DLG1: variants seen among roughly 807,000 people sequenced by gnomAD.
The protein encoded by DLG1 is discs large MAGUK scaffold protein 1.
DLG1 carries 42 observed loss-of-function variants against 123.4 expected under a neutral mutation model. The observed-to-expected ratio is 0.34, with a 90% CI of 0.27 to 0.44. The LOEUF (loss-of-function observed/expected upper bound fraction) is 0.44, where lower values mean the gene tolerates loss of function less well. Ranked by LOEUF, DLG1 falls within the 20% of genes least tolerant of loss-of-function variation. The pLI, the probability that DLG1 is intolerant of heterozygous loss-of-function variation, is 1.00. For missense variants in DLG1, 942 were observed against 1,082.6 expected, an observed-to-expected ratio of 0.87 and a Z score of 1.82; for synonymous variants, 317 against 356.2, an observed-to-expected ratio of 0.89 and a Z score of 1.24.
At chr3:197,222,635 A>T (rs566082244) in intron 4 of DLG1, among the ~76,000 whole-genome samples, 2 of 152,302 alleles carry the variant, frequency 1.3e-5, no homozygotes, top group African/African-American at 4.8e-5. Context: ...AGCTACTTGT[A>T]TCCCTGGCCA....
chr3:197,261,195 G>C (rs933565834), intron 4 of DLG1, among the ~76,000 whole-genome samples: 1 of 152,166 alleles, frequency 6.6e-6, no homozygotes, highest in African/African-American at 2.4e-5. Flanking sequence ...GAGCTAGATA[G>C]GCTAACAGAC....
At chr3:197,079,522 A>G (rs924988735) in intron 17 of DLG1, among the ~76,000 whole-genome samples, 3 of 152,238 alleles carry the variant, frequency 2.0e-5, no homozygotes, top group Non-Finnish European at 4.4e-5. Context: ...AACAAACAAG[A>G]CTAAGATTTA....
chr3:197,160,676 T>C (rs186335229), intron 5 of DLG1, among the ~76,000 whole-genome samples: 2 of 152,258 alleles, frequency 1.3e-5, no homozygotes, highest in East Asian at 3.9e-4. Context: ...CTAGAATCCT[T>C]GGTTGTATGG....
chr3:197,111,656 T>C (rs1289664216), intron 13 of DLG1, among the ~76,000 whole-genome samples: 1 of 152,210 alleles, frequency 6.6e-6, no homozygotes, highest in Non-Finnish European at 1.5e-5. Context: ...GACATGTATC[T>C]TTTCCACCGA....
chr3:197,131,076 A>C (rs1303202518), intron 10 of DLG1, among the ~76,000 whole-genome samples: 1 of 152,222 alleles, frequency 6.6e-6, no homozygotes, highest in African/African-American at 2.4e-5. Context: ...ACACAAATTA[A>C]TAGAATTACT....
chr3:197,092,940 G>A (rs998194771), intron 14 of DLG1, among the ~76,000 whole-genome samples: 4 of 152,028 alleles, frequency 2.6e-5, no homozygotes, highest in South Asian at 2.1e-4. Flanking sequence ...TTATAAGTAG[G>A]TAAAATAACT....
At chr3:197,114,087 G>A (rs956011141) in intron 13 of DLG1, among the ~76,000 whole-genome samples, 2 of 152,186 alleles carry the variant, frequency 1.3e-5, no homozygotes, top group African/African-American at 4.8e-5. Context: ...GGGGTTAACA[G>A]ACATGAAAAA....
chr3:197,194,410 T>A lies in DLG1; in HGVS notation c.483+15A>T, dbSNP rs1259423909. The A allele has an allele frequency of 6.7e-7, 1 of 1,498,466 alleles. No homozygotes were observed. The highest frequency in any genetic ancestry group is 2.2e-5 in the Admixed American group (1 of 46,336). The allele number at this position is 1,498,466 out of a possible 1,614,324, so 92.8% of individuals were successfully genotyped here. On this transcript the variant is annotated intron_variant, in intron 5 of 24. Coordinates refer to ENST00000667157, the MANE Select transcript of DLG1 (RefSeq NM_001366207.1). ...ATATGTAATTCATAACAATAATAAATAGATACTATCCTACCTTTATTGGTG... is the reference window on the plus strand; with the variant it reads ...ATATGTAATTCATAACAATAATAAAAAGATACTATCCTACCTTTATTGGTG...
chr3:197,261,961 T>A (rs1452759800), intron 4 of DLG1, among the ~76,000 whole-genome samples: 1 of 152,182 alleles, frequency 6.6e-6, no homozygotes, highest in Non-Finnish European at 1.5e-5. Context: ...GCTCAGTAAA[T>A]GCCAGCTACA....
Position 197,109,480 on chromosome 3 carries a change from AATT to A in DLG1, c.1444-4478_1444-4476del, listed in dbSNP as rs915424082. Among the ~76,000 whole-genome samples, 113 of 152,344 alleles carry A rather than the reference AATT, an allele frequency of 7.4e-4. 1 individual carries two copies. Among genetic ancestry groups the A allele is most frequent in the African/African-American group, 2.7e-3 (111 of 41,584 alleles). ...TACGATGTGTGCACATCAAATTTGT[AATT>A]ATTGCTTTATTCAGTTGTTTTTAAA... On this transcript the variant is annotated intron_variant, in intron 13 of 24. Transcript: ENST00000667157.
chr3:197,086,802 A>G (rs1578863753), intron 15 of DLG1, among the ~76,000 whole-genome samples: 1 of 152,212 alleles, frequency 6.6e-6, no homozygotes, highest in South Asian at 2.1e-4. Flanking sequence ...AATATAAAAT[A>G]GAAAATAAAG....
chr3:197,260,161 A>G (rs897527593), intron 4 of DLG1: 10 of 293,566 alleles, frequency 3.4e-5, no homozygotes, highest in African/African-American at 9.0e-5. Flanking sequence ...TTTCAAATCT[A>G]TAACAATGGT....
At chr3:197,119,558 T>C in intron 11 of DLG1, 28 bp from the exon 12 acceptor site, 1 of 1,585,334 alleles carries the variant, frequency 6.3e-7, no homozygotes, top group Non-Finnish European at 8.6e-7. Flanking sequence ...TGAAAAATAC[T>C]TCAAACACGA....
chr3:197,115,280 G>T (rs1004933180), intron 13 of DLG1, among the ~76,000 whole-genome samples: 2 of 151,756 alleles, frequency 1.3e-5, no homozygotes, highest in African/African-American at 4.8e-5. Context: ...AGAACTATAG[G>T]TAAGTTTTAG....
At chr3:197,260,066 C>T (rs948173424) in intron 4 of DLG1, among the ~76,000 whole-genome samples, 1 of 152,140 alleles carries the variant, frequency 6.6e-6, no homozygotes, top group Non-Finnish European at 1.5e-5. Context: ...CTGTGCAACA[C>T]GCTTTTGGCT....
At chr3:197,282,466 A>C (rs1769851538) in intron 4 of DLG1, 2 of 336,700 alleles carry the variant, frequency 5.9e-6, no homozygotes, top group Non-Finnish European at 1.0e-5. Context: ...TCAGACTTCA[A>C]ACATTCATAA....
intron 11 of DLG1, among the ~76,000 whole-genome samples, chr3:197,124,355 A>C (rs1477288988): frequency 6.6e-6 from 1 of 152,038 alleles, no homozygotes; most frequent in Non-Finnish European, 1.5e-5. Context: ...GCTCACTGCA[A>C]ACTCCGCCTC....
At chr3:197,080,331 A>C (rs949536672) in intron 17 of DLG1, 1 of 118,918 alleles carries the variant, frequency 8.4e-6, no homozygotes, top group African/African-American at 3.3e-5. Context: ...CAGGCTGGAG[A>C]GCAGTGGCAT....
intron 15 of DLG1, among the ~76,000 whole-genome samples, chr3:197,089,990 G>A (rs146932821): frequency 3.3e-5 from 5 of 152,258 alleles, no homozygotes; most frequent in Non-Finnish European, 7.4e-5. Context: ...GTAAGATTAT[G>A]TGAAGACAGT....
Sources: gnomAD v4.1 joint callset for allele counts (sites outside exome capture counted in the v4.1 genomes callset) on GRCh38, gnomAD v4.1.1 for gene constraint, MANE v1.5 for transcripts, NCBI Gene and HGNC (gene_info 2026-07-23, HGNC 2026-07-21) for gene names.